The following ANK3 variants were observed in gnomAD, a reference collection of about 807,000 sequenced individuals.
ANK3 encodes the protein ankyrin-3.
Under a neutral mutation model 370.9 loss-of-function variants are expected in ANK3, and 57 were observed. That is an observed-to-expected ratio of 0.15 (90% CI 0.12 to 0.19). The LOEUF (loss-of-function observed/expected upper bound fraction) is 0.19. ANK3 is among the 10% of genes least tolerant of loss of function. ANK3 has a pLI of 1.00. For missense variants in ANK3, 4,439 were observed against 5,302.1 expected, an observed-to-expected ratio of 0.84 and a Z score of 5.06; for synonymous variants, 1,929 against 1,946.3, an observed-to-expected ratio of 0.99 and a Z score of 0.23.
intron 2 of ANK3, among the ~76,000 whole-genome samples, chr10:60,414,691 A>C (rs2063625092): frequency 6.6e-6 from 1 of 152,136 alleles, no homozygotes; most frequent in Non-Finnish European, 1.5e-5. Context: ...TGCTGGCAAA[A>C]ATCTTACTTT....
At chr10:60,479,649 G>A (rs2075159961) in intron 2 of ANK3, among the ~76,000 whole-genome samples, 1 of 151,514 alleles carries the variant, frequency 6.6e-6, no homozygotes, top group Admixed American at 6.6e-5. Context: ...TTACTATGAG[G>A]CTATCATGAA....
intron 2 of ANK3, among the ~76,000 whole-genome samples, chr10:60,501,723 A>AAG (rs1281266108): frequency 1.3e-5 from 2 of 150,882 alleles, no homozygotes; most frequent in Non-Finnish European, 3.0e-5. Flanking sequence ...AAAAAAAAAA[A>AAG]GAAAAGAAAA....
chr10:60,041,315 T>C (rs1247214433), intron 43 of ANK3, among the ~76,000 whole-genome samples: 1 of 152,236 alleles, frequency 6.6e-6, no homozygotes, highest in Admixed American at 6.5e-5. Context: ...CAGGGATGAC[T>C]GACTGCTACT....
At chr10:60,123,444 G>C (rs565831061) in intron 25 of ANK3, among the ~76,000 whole-genome samples, 75 of 152,228 alleles carry the variant, frequency 4.9e-4, no homozygotes, top group Non-Finnish European at 8.5e-4. Context: ...CAAATGCCCA[G>C]GTCTGGAAAT....
At chr10:60,108,158 C>T (rs2092385521) in intron 27 of ANK3, 1 of 420,328 alleles carries the variant, frequency 2.4e-6, no homozygotes, top group African/African-American at 2.1e-5. Flanking sequence ...AAATTGTAGA[C>T]ATTCTGTATC....
At chr10:60,336,283 C>G (rs1222886231) in intron 1 of ANK3, among the ~76,000 whole-genome samples, 1 of 152,060 alleles carries the variant, frequency 6.6e-6, no homozygotes, top group African/African-American at 2.4e-5. Flanking sequence ...AATGTGAAAA[C>G]TCTTGAGAAG....
At chr10:60,392,912 G>A (rs947579073), upstream of ANK3, among the ~76,000 whole-genome samples, 7 of 151,832 alleles carry the variant, frequency 4.6e-5, no homozygotes, top group South Asian at 2.1e-4. Flanking sequence ...CTGGGTGACA[G>A]AGCAAGGCTC....
intron 1 of ANK3, among the ~76,000 whole-genome samples, chr10:60,342,892 A>G (rs2132988275): frequency 6.6e-6 from 1 of 152,346 alleles, no homozygotes; most frequent in East Asian, 1.9e-4. Context: ...TTGAAGATTA[A>G]CAATTCTCAT....
In ANK3 at chr10:60,579,248, C is replaced by T. The variant is rs193064476; in HGVS notation, c.96+35938G>A. 4.3e-3 allele frequency among the ~76,000 whole-genome samples: 636 copies of T among 148,672 alleles called. 19 individuals are homozygous for T. The East Asian group carries it at 0.094, about 22-fold the overall frequency. On this transcript the variant is annotated intron_variant, in intron 2 of 43. Transcript: ENST00000373827. ...GCTGAGGCAGGAGAATCGCTTGAAC[C>T]TGGGAGGCGGAGGTTGCAGTGAGCT...
intron 1 of ANK3, among the ~76,000 whole-genome samples, chr10:60,720,186 G>A (rs1473193167): frequency 6.6e-6 from 1 of 152,148 alleles, no homozygotes; most frequent in Non-Finnish European, 1.5e-5. Context: ...TATTAGCACA[G>A]ATATTACACA....
chr10:60,327,015 C>CAAAAAAAAA (rs986368110), intron 1 of ANK3, among the ~76,000 whole-genome samples: 1 of 143,026 alleles, frequency 7.0e-6, no homozygotes, highest in African/African-American at 2.7e-5. Context: ...GACTCCGTCT[C>CAAAAAAAAA]AAAAAAAAAA....
At chr10:60,364,293 C>CAAAAAAA (rs34623231) in intron 1 of ANK3, among the ~76,000 whole-genome samples, 1 of 135,834 alleles carries the variant, frequency 7.4e-6, no homozygotes. Context: ...GACTCGGTCT[C>CAAAAAAA]AAAAAAAAAA....
rs191645238 is a variant in ANK3 at position 60,051,228 on chromosome 10, G to T, written c.13065+4430C>A. ...AAGGAAAGCAGGATACAAATGCCAA[G>T]AATTCTCAAATAAAACTACAACCGC... On this transcript the variant is annotated intron_variant, in intron 42 of 43. Coordinates refer to ENST00000280772, the MANE Select transcript of ANK3 (RefSeq NM_020987.5). Among the ~76,000 whole-genome samples, 724 of 152,148 alleles carry T rather than the reference G, an allele frequency of 4.8e-3. 3 individuals carry two copies. The highest frequency in any genetic ancestry group is 0.014 in the Middle Eastern group (4 of 294).
At chr10:60,474,261 G>A (rs190080145) in intron 2 of ANK3, among the ~76,000 whole-genome samples, 29 of 109,334 alleles carry the variant, frequency 2.7e-4, no homozygotes, top group Admixed American at 1.3e-3. Flanking sequence ...TGCAGGAAAG[G>A]GACAGGAATA....
At chr10:60,035,322 T>C (rs2074680591) in intron 43 of ANK3, among the ~76,000 whole-genome samples, 1 of 152,028 alleles carries the variant, frequency 6.6e-6, no homozygotes, top group Non-Finnish European at 1.5e-5. Context: ...GATCTTGGCT[T>C]GCTGCAACCT....
chr10:60,376,113 G>T (rs1264252101), intron 1 of ANK3, among the ~76,000 whole-genome samples: 7 of 152,122 alleles, frequency 4.6e-5, no homozygotes, highest in Non-Finnish European at 1.0e-4. Flanking sequence ...ATTGTGTCAA[G>T]ATTCAAACCC....
At chr10:60,311,149 C>T (rs544493295) in intron 1 of ANK3, among the ~76,000 whole-genome samples, 2 of 152,288 alleles carry the variant, frequency 1.3e-5, no homozygotes, top group South Asian at 4.1e-4. Flanking sequence ...GGAAGTGTCC[C>T]TCTGCCTGCT....
chr10:60,490,740 G>A (rs2075475612), intron 2 of ANK3, among the ~76,000 whole-genome samples: 1 of 152,020 alleles, frequency 6.6e-6, no homozygotes, highest in East Asian at 1.9e-4. Flanking sequence ...AAAAATTCCT[G>A]GGCTCCCACT....
intron 1 of ANK3, among the ~76,000 whole-genome samples, chr10:60,727,399 A>T (rs2079955987): frequency 6.6e-6 from 1 of 152,216 alleles, no homozygotes; most frequent in Non-Finnish European, 1.5e-5. Context: ...AGTGAAAGAG[A>T]TCAGACTGGC....
Sources: allele counts gnomAD v4.1 joint callset (sites outside exome capture counted in the v4.1 genomes callset), GRCh38; gene constraint gnomAD v4.1.1; transcripts MANE v1.5; gene names NCBI Gene and HGNC (gene_info 2026-07-23, HGNC 2026-07-21).